DHX8: variants seen among roughly 807,000 people sequenced by gnomAD.
DHX8 encodes the protein ATP-dependent RNA helicase DHX8.
In DHX8, 67 loss-of-function variants were observed where a neutral mutation model predicts 140.7. That is an observed-to-expected ratio of 0.48 (90% confidence interval 0.39 to 0.58). The LOEUF is 0.58. Among genes scored for constraint, DHX8 ranks in the 20% least tolerant of loss-of-function variants. DHX8 has a pLI of 0.00. For missense variants in DHX8, 887 were observed against 1,550.7 expected, an observed-to-expected ratio of 0.57 and a Z score of 7.19; for synonymous variants, 533 against 553.2, an observed-to-expected ratio of 0.96 and a Z score of 0.51.
chr17:43,505,024 C>A (rs1216831738), intron 12 of DHX8, among the ~76,000 whole-genome samples, 199 bp downstream of exon 12: 1 of 152,038 alleles, frequency 6.6e-6, no homozygotes, highest in Admixed American at 6.6e-5. Context: ...TGCCTATAAT[C>A]CCAGCACATC....
rs776418373 is a variant in DHX8, at chr17:43,493,449, C to T, written c.868C>T (p.Arg290Trp). The T allele has an allele frequency of 4.3e-6, 7 of 1,613,944 alleles. No individual in the cohort carries two copies. Among genetic ancestry groups the T allele is most frequent in the Non-Finnish European group, 5.9e-6 (7 of 1,179,950 alleles). ...ATGTGTCTGGCTCTCCCTCAGGAAGCGGTGGGAAGGCCTGGTGCACATCTC... is the reference window on the plus strand; with the variant it reads ...ATGTGTCTGGCTCTCCCTCAGGAAGTGGTGGGAAGGCCTGGTGCACATCTC... Reference protein sequence around the residue: ...CFVQLEGLRKRWEGLVHISEL... With the variant: ...CFVQLEGLRKWWEGLVHISEL... The change falls in exon 7 of 23, where the codon CGG (arginine) becomes TGG (tryptophan). Residue 290 changes from arginine to tryptophan, a missense_variant. This residue lies in a region of DHX8 where 98 missense variants were observed against 152.7 expected (regional missense o/e 0.64). Coordinates refer to ENST00000262415, the MANE Select transcript of DHX8 (RefSeq NM_004941.3).
At chr17:43,510,671 AC>A (rs1415031978) in intron 16 of DHX8, among the ~76,000 whole-genome samples, 1 of 152,222 alleles carries the variant, frequency 6.6e-6, no homozygotes, top group African/African-American at 2.4e-5. Flanking sequence ...ACCAGCAGAT[AC>A]AGAGGGCTAA....
chr17:43,525,376 C>T lies in DHX8; in HGVS notation c.*1529C>T. The T allele has an allele frequency of 5.1e-6, 5 of 981,364 alleles. No individual in the cohort carries two copies. Among genetic ancestry groups the T allele is most frequent in the Non-Finnish European group, 6.1e-6 (5 of 826,298 alleles). The allele number at this position is 981,364 out of a possible 1,614,324, so 60.8% of individuals were successfully genotyped here. A position where few individuals can be genotyped will look rare whatever the true frequency, so the allele number is the denominator to read the frequency against. On this transcript the variant is annotated 3_prime_UTR_variant, in exon 23 of 23. Coordinates refer to ENST00000262415, the MANE Select transcript of DHX8 (RefSeq NM_004941.3). ...GTTGTCACTGGGCAGCAAACCACAC[C>T]CTAAAGACAATTCAGAAAGAGTCCG...
In DHX8 at chr17:43,500,220, C is replaced by T. The variant is rs544298467; in HGVS notation, c.1546+117C>T. 6.7e-6 allele frequency: 8 copies of T among 1,187,614 alleles called. No homozygotes were observed. In the African/African-American group the frequency reaches 9.2e-5, roughly 14 times the overall value. 73.6% of individuals were successfully genotyped at this position (1,187,614 alleles called of 1,614,324 possible). A position where few individuals can be genotyped will look rare whatever the true frequency, so the allele number is the denominator to read the frequency against. ...TTACCCTTGGGCCGGGGCGGTGGCT[C>T]ATGCCTGTAATCCCAGCACTTTGGG... On this transcript the variant is annotated intron_variant, in intron 11 of 22. Coordinates refer to ENST00000262415, the MANE Select transcript of DHX8 (RefSeq NM_004941.3).
downstream of DHX8, among the ~76,000 whole-genome samples, chr17:43,527,431 G>A (rs563126206): frequency 6.6e-6 from 1 of 152,316 alleles, no homozygotes; most frequent in South Asian, 2.1e-4. Flanking sequence ...GGGACAGCAG[G>A]GTCATGGGAA....
At chr17:43,533,041 G>C in intron 2 of DHX8, 1 of 1,495,956 alleles carries the variant, frequency 6.7e-7, no homozygotes, top group South Asian at 1.3e-5. Flanking sequence ...GGAATGGGGG[G>C]TAGGGGGTTG....
At chr17:43,537,105 C>T (rs981057746) in intron 3 of DHX8, among the ~76,000 whole-genome samples, 2 of 152,240 alleles carry the variant, frequency 1.3e-5, no homozygotes, top group Non-Finnish European at 2.9e-5. Flanking sequence ...GTGGCTCACG[C>T]CTATAATCCC....
chr17:43,526,755 G>T, downstream of DHX8: 1 of 1,286,184 alleles, frequency 7.8e-7, no homozygotes, highest in Admixed American at 3.0e-5. Context: ...ACGATAGCTT[G>T]GCTTTAATGT....
chr17:43,533,951 C>T lies in DHX8; in HGVS notation c.351-2461C>T, dbSNP rs150267783. 3.3e-5 allele frequency: 51 copies of T among 1,543,844 alleles called. No individual in the cohort carries two copies. The African/African-American group carries it at 6.7e-4, about 20-fold the overall frequency. On this transcript the variant is annotated intron_variant, in intron 2 of 3. Coordinates refer to the DHX8 transcript ENST00000589898. Reference sequence around the variant, plus strand: ...GGTCTGTGCGGGGACTCTGGGGCTCCTTCTTGATCCTGGTGGTGGGGCTGT... The same window carrying T: ...GGTCTGTGCGGGGACTCTGGGGCTCTTTCTTGATCCTGGTGGTGGGGCTGT...
chr17:43,517,160 C>T lies in DHX8; in HGVS notation c.2644-7C>T. On this transcript the variant is annotated splice_region_variant and splice_polypyrimidine_tract_variant and intron_variant, in intron 17 of 22. Coordinates refer to ENST00000262415, the MANE Select transcript of DHX8 (RefSeq NM_004941.3). Reference sequence around the variant, plus strand: ...GATATGTTGCTTTTATATGCCCACCCCTCTAGGCTCAGGCAAAGCAACGAG... The same window carrying T: ...GATATGTTGCTTTTATATGCCCACCTCTCTAGGCTCAGGCAAAGCAACGAG... The T allele has an allele frequency of 1.2e-6, 2 of 1,611,330 alleles. No individual in the cohort carries two copies. The highest frequency in any genetic ancestry group is 1.7e-6 in the Non-Finnish European group (2 of 1,178,784).
rs767253588 is a variant in DHX8, at chr17:43,506,888, ATTATT to A, written c.1729-109_1729-105del. 3.9e-4 allele frequency: 283 copies of A among 734,324 alleles called. 1 individual carries two copies. The highest frequency in any genetic ancestry group is 3.8e-3 in the Middle Eastern group (9 of 2,376). The allele number at this position is 734,324 out of a possible 1,614,324, so 45.5% of individuals were successfully genotyped here. A position where few individuals can be genotyped will look rare whatever the true frequency, so the allele number is the denominator to read the frequency against. ...TTTTCTTTGGTGTTAGAATATAGTAATTATTTTATTCCAGAGTAATGTAGATTTTA... is the reference window on the plus strand; with the variant it reads ...TTTTCTTTGGTGTTAGAATATAGTAATTATTCCAGAGTAATGTAGATTTTA... On this transcript the variant is annotated intron_variant, in intron 12 of 22. Coordinates refer to ENST00000262415, the MANE Select transcript of DHX8 (RefSeq NM_004941.3).
chr17:43,510,637 G>C (rs1431110912), intron 16 of DHX8, among the ~76,000 whole-genome samples: 1 of 151,946 alleles, frequency 6.6e-6, no homozygotes, highest in South Asian at 2.1e-4. Flanking sequence ...TTAATCTGCT[G>C]TTGGTTGAAT....
chr17:43,525,795 T>C (rs557326317), downstream of DHX8: 50 of 985,472 alleles, frequency 5.1e-5, no homozygotes, highest in Non-Finnish European at 5.9e-5. Flanking sequence ...AGCCTAAATT[T>C]TCCCCATTCA....
At chr17:43,488,890 A>G (rs1177243977) in intron 1 of DHX8, among the ~76,000 whole-genome samples, 1 of 152,228 alleles carries the variant, frequency 6.6e-6, no homozygotes, top group Non-Finnish European at 1.5e-5. Flanking sequence ...AAATGCACTC[A>G]AGGGCTACAT....
At chr17:43,543,296 T>TCTCTCTCTCA (rs888736657) in intron 3 of DHX8, among the ~76,000 whole-genome samples, 61 of 143,438 alleles carry the variant, frequency 4.3e-4, no homozygotes, top group East Asian at 2.1e-4. Flanking sequence ...TCTCTCTCTC[T>TCTCTCTCTCA]CACACACACA....
At chr17:43,491,905 A>G (rs1968541161) in intron 4 of DHX8, among the ~76,000 whole-genome samples, 1 of 152,202 alleles carries the variant, frequency 6.6e-6, no homozygotes, top group Admixed American at 6.5e-5. Context: ...TTTTCTATTA[A>G]TATAATCATC....
At chr17:43,531,323 C>T (rs1041483752), downstream of DHX8, among the ~76,000 whole-genome samples, 14 of 152,188 alleles carry the variant, frequency 9.2e-5, no homozygotes, top group African/African-American at 2.9e-4. Context: ...GGCCCTCCTT[C>T]GGCCCTTGAG....
At chr17:43,542,240 T>G (rs758986098) in intron 3 of DHX8, among the ~76,000 whole-genome samples, 2 of 152,120 alleles carry the variant, frequency 1.3e-5, no homozygotes, top group Non-Finnish European at 2.9e-5. Flanking sequence ...TACACCTTTA[T>G]GTATGGTGCA....
At position 43,520,987 on chromosome 17, in the gene DHX8, T is replaced by TC. The variant is rs1464984355; in HGVS notation, c.3066+108_3066+109insC. On this transcript the variant is annotated intron_variant, in intron 20 of 22. Coordinates refer to ENST00000262415, the MANE Select transcript of DHX8 (RefSeq NM_004941.3). ...GACTTTTTTTTTTTTTTTTTTTTTT[T>TC]TGAGATGGAGTCTCACTCTGTTGCC... 3 of 1,079,568 alleles carry TC rather than the reference T, an allele frequency of 2.8e-6. No homozygotes were observed. In the African/African-American group the frequency reaches 4.9e-5, roughly 18 times the overall value. The allele number at this position is 1,079,568 out of a possible 1,614,324, so 66.9% of individuals were successfully genotyped here. A position where few individuals can be genotyped will look rare whatever the true frequency, so the allele number is the denominator to read the frequency against.
Sources: allele counts gnomAD v4.1 joint callset (sites outside exome capture counted in the v4.1 genomes callset), GRCh38; gene constraint gnomAD v4.1.1; regional missense constraint gnomAD v4.1.1; transcripts MANE v1.5; gene names NCBI Gene and HGNC (gene_info 2026-07-23, HGNC 2026-07-21).